The following CACNA1D variants were observed in gnomAD, a reference collection of about 807,000 sequenced individuals.
CACNA1D encodes the protein voltage-dependent L-type calcium channel subunit alpha-1D.
CACNA1D carries 55 observed loss-of-function variants against 257.1 expected under a neutral mutation model. The observed-to-expected ratio is 0.21, with a 90% confidence interval of 0.17 to 0.27. CACNA1D has a LOEUF of 0.27. Among genes scored for constraint, CACNA1D ranks in the 10% least tolerant of loss-of-function variants. The probability of loss-of-function intolerance (pLI) is 1.00; values close to 1 mark genes in which losing one functional copy is unlikely to be tolerated. For missense variants in CACNA1D, 1,876 were observed against 2,784.0 expected, an observed-to-expected ratio of 0.67 and a Z score of 7.34; for synonymous variants, 980 against 1,014.9, an observed-to-expected ratio of 0.97 and a Z score of 0.65.
At position 53,806,446 on chromosome 3, in the gene CACNA1D, C is replaced by A. The variant is rs528401708; in HGVS notation, c.5749+1300C>A. ...CGGTGGGTGGCAGGAGCTGGCGGAT[C>A]TGGGTCATCCTGAGCAAGGAACTCC... On this transcript the variant is annotated intron_variant, in intron 45 of 47. Transcript: ENST00000350061. 1.0e-3 allele frequency among the ~76,000 whole-genome samples: 158 copies of A among 152,328 alleles called. 1 individual carries two copies. The highest frequency in any genetic ancestry group is 2.2e-3 in the Admixed American group (33 of 15,302).
chr3:53,530,103 T>TA (rs1199318967), intron 3 of CACNA1D, among the ~76,000 whole-genome samples: 2 of 152,204 alleles, frequency 1.3e-5, no homozygotes, highest in African/African-American at 2.4e-5. Flanking sequence ...GACTTCTGTT[T>TA]AAAAGAAGGG....
At position 53,626,682 on chromosome 3, in the gene CACNA1D, A is replaced by G. The variant is rs572939013; in HGVS notation, c.484-24097A>G. Among the ~76,000 whole-genome samples the G allele has an allele frequency of 5.5e-4, 84 of 152,306 alleles. 1 individual carries two copies. The highest frequency in any genetic ancestry group is 6.5e-4 in the Non-Finnish European group (44 of 68,014). The stretch of plus-strand genomic sequence containing the variant: ...TCAGCTTTAGCCACCATCTTGGCTT[A>G]TGATGTTAGATCAGTTCTTGCCTCT... On this transcript the variant is annotated intron_variant, in intron 3 of 47. Coordinates refer to ENST00000350061, the MANE Select transcript of CACNA1D (RefSeq NM_001128840.3).
intron 2 of CACNA1D, among the ~76,000 whole-genome samples, chr3:53,499,760 T>C (rs1250853991): frequency 5.9e-5 from 9 of 152,106 alleles, no homozygotes; most frequent in East Asian, 1.9e-4. Context: ...TATTGGGAAA[T>C]TGAAAATGAA....
At chr3:53,718,560 C>T (rs546727646) in intron 10 of CACNA1D, 172 bp downstream of exon 10, 2 of 960,380 alleles carry the variant, frequency 2.1e-6, no homozygotes, top group African/African-American at 1.6e-5. Context: ...GGCTATCCCT[C>T]CTGCACACCT....
chr3:53,744,928 A>G lies in CACNA1D; in HGVS notation c.3006+101A>G, dbSNP rs1337841457. On this transcript the variant is annotated intron_variant, in intron 23 of 47. Coordinates refer to ENST00000350061, the MANE Select transcript of CACNA1D (RefSeq NM_001128840.3). ...CTGAGCTGAGGCCTGATGGATTTTTAAAGTGAGTTATAAGGACCTTTCTAA... is the reference window on the plus strand; with the variant it reads ...CTGAGCTGAGGCCTGATGGATTTTTGAAGTGAGTTATAAGGACCTTTCTAA... The G allele has an allele frequency of 8.0e-6, 6 of 746,840 alleles. No individual in the cohort carries two copies. The Middle Eastern group carries it at 8.1e-4, about 101-fold the overall frequency. 46.3% of individuals were successfully genotyped at this position (746,840 alleles called of 1,614,324 possible).
rs185924781 is a variant in CACNA1D at position 53,745,835 on chromosome 3, C to G, written c.3127C>G (p.Arg1043Gly). 1 of 1,613,638 alleles carries G rather than the reference C, an allele frequency of 6.2e-7. No individual in the cohort carries two copies. The highest frequency in any genetic ancestry group is 8.5e-7 in the Non-Finnish European group (1 of 1,179,540). ...GVQLFKGKFYRCTDEAKSNPE... is the reference protein window; with the variant it reads ...GVQLFKGKFYGCTDEAKSNPE... ...ATTTTATACCCAGGGGAAGTTCTAT[C>G]GCTGTACGGATGAAGCCAAAAGTAA... Residue 1043 changes from arginine (R) to glycine (G), a missense_variant, in exon 25 of 48, where the codon CGC becomes GGC. Physicochemically the swap from Arg to Gly is moderately radical, Grantham distance 125. This residue lies in a region of CACNA1D where 271 missense variants were observed against 425.5 expected (regional missense o/e 0.64). Transcript: ENST00000350061.
chr3:53,790,904 A>AT, intron 40 of CACNA1D: 3 of 686,918 alleles, frequency 4.4e-6, no homozygotes, highest in East Asian at 2.7e-5. Flanking sequence ...CTCTTTTTAA[A>AT]TTTTTTTCTT....
At chr3:53,791,606 C>G (rs1346268018) in intron 40 of CACNA1D, 1 of 152,760 alleles carries the variant, frequency 6.5e-6, no homozygotes, top group African/African-American at 2.4e-5. Context: ...CTGCAGAGAC[C>G]CAGTCCAGAA....
In CACNA1D at chr3:53,781,654, C is replaced by T; in HGVS notation, c.4779C>T (p.Val1593=). ...GCATGAAATTACTTGACCAAGTTGT[C>T]CCTCCAGCTGGTGGTCAGTGCAGTC... ...KTSMKLLDQV[V]PPAGDDEVTV... Residue 1593 remains valine, a synonymous_variant, in exon 39 of 48, where the codon GTC becomes GTT. Transcript: ENST00000350061. 1 of 1,611,564 alleles carries T rather than the reference C, an allele frequency of 6.2e-7. No homozygotes were observed. The highest frequency in any genetic ancestry group is 8.5e-7 in the Non-Finnish European group (1 of 1,177,610).
chr3:53,500,259 A>AG (rs1294016681), intron 2 of CACNA1D, among the ~76,000 whole-genome samples: 2 of 146,660 alleles, frequency 1.4e-5, no homozygotes, highest in Non-Finnish European at 3.0e-5. Flanking sequence ...CTACTAAAAA[A>AG]AAAAAAAAAA....
chr3:53,720,622 A>G (rs2094872948), intron 11 of CACNA1D, among the ~76,000 whole-genome samples: 2 of 152,246 alleles, frequency 1.3e-5, no homozygotes. Flanking sequence ...ACCAGAGAAG[A>G]GATGTGGATG....
intron 9 of CACNA1D, among the ~76,000 whole-genome samples, chr3:53,705,585 C>T (rs950490361): frequency 1.1e-4 from 16 of 152,152 alleles, no homozygotes; most frequent in African/African-American, 3.6e-4. Context: ...TTATGGAGCT[C>T]GTTTTGCCAG....
chr3:53,529,814 G>A (rs1170816575), intron 3 of CACNA1D, among the ~76,000 whole-genome samples: 1 of 152,108 alleles, frequency 6.6e-6, no homozygotes, highest in African/African-American at 2.4e-5. Flanking sequence ...ATCACTGAGA[G>A]AATGAATTAT....
intron 9 of CACNA1D, among the ~76,000 whole-genome samples, chr3:53,714,798 A>G (rs2094801414): frequency 6.6e-6 from 1 of 152,226 alleles, no homozygotes; most frequent in Non-Finnish European, 1.5e-5. Context: ...TGAGAAATCA[A>G]GAGTTTGCTC....
chr3:53,656,101 T>C (rs2094145256), intron 4 of CACNA1D, among the ~76,000 whole-genome samples: 1 of 152,194 alleles, frequency 6.6e-6, no homozygotes, highest in Non-Finnish European at 1.5e-5. Flanking sequence ...GTGTGTGGCC[T>C]TATTTCTGGG....
chr3:53,751,854 G>T lies in CACNA1D; in HGVS notation c.3622G>T (p.Glu1208Ter). ...FWYVVNSSPF[E>*]YMMFVLIMLN... is the part of the protein sequence containing the mutation. ...GTACGTGGTGAACTCTTCGCCTTTC[G>T]AATACATGATGTTTGTCCTCATCAT... Residue 1208 changes from glutamate (E) to a stop codon, truncating the protein, a stop_gained, in exon 28 of 48, where the codon GAA becomes TAA. Transcript: ENST00000350061. LOFTEE classifies it high-confidence loss of function. This position sits in a 1 kb window ranked among gnomAD's most constrained non-coding sequence, Gnocchi z 4.3. The T allele has an allele frequency of 6.2e-7, 1 of 1,614,016 alleles. No homozygotes were observed. Among genetic ancestry groups the T allele is most frequent in the Non-Finnish European group, 8.5e-7 (1 of 1,179,996 alleles).
At chr3:53,663,414 C>G (rs1486828438) in intron 5 of CACNA1D, among the ~76,000 whole-genome samples, 1 of 152,128 alleles carries the variant, frequency 6.6e-6, no homozygotes, top group Non-Finnish European at 1.5e-5. Context: ...GTGCTGAGGT[C>G]GTGGGGCCAT....
intron 4 of CACNA1D, among the ~76,000 whole-genome samples, chr3:53,652,112 T>C (rs547263198): frequency 1.1e-4 from 17 of 152,286 alleles, no homozygotes; most frequent in Non-Finnish European, 2.4e-4. Flanking sequence ...TGCCGTACTT[T>C]CCTGTATTTG....
chr3:53,558,631 A>G (rs934537601), intron 3 of CACNA1D, among the ~76,000 whole-genome samples: 1 of 152,190 alleles, frequency 6.6e-6, no homozygotes, highest in African/African-American at 2.4e-5. Context: ...GCTTCTTGCT[A>G]GGTAAAGGAT....
Sources: allele counts gnomAD v4.1 joint callset (sites outside exome capture counted in the v4.1 genomes callset), GRCh38; gene constraint gnomAD v4.1.1; regional missense constraint gnomAD v4.1.1; non-coding constraint Gnocchi (gnomAD v3.1); transcripts MANE v1.5; gene names NCBI Gene and HGNC (gene_info 2026-07-23, HGNC 2026-07-21).